STARD9: variants seen among roughly 807,000 people sequenced by gnomAD.
The protein encoded by STARD9 is StAR related lipid transfer domain containing 9.
A neutral mutation model predicts 399.8 loss-of-function variants in STARD9; 346 were observed. That is an observed-to-expected ratio of 0.87 (90% confidence interval 0.79 to 0.95). The LOEUF is 0.95. Ranked by LOEUF, STARD9 falls within the 40% of genes least tolerant of loss-of-function variation. STARD9 has a pLI of 0.00. For missense variants in STARD9, 5,832 were observed against 5,667.5 expected (o/e 1.03, Z -0.93); for synonymous variants, 2,203 against 2,143.5 (o/e 1.03, Z -0.77).
intron 3 of STARD9, among the ~76,000 whole-genome samples, chr15:42,587,344 C>G (rs528563658): frequency 6.6e-6 from 1 of 152,254 alleles, no homozygotes; most frequent in South Asian, 2.1e-4. Flanking sequence ...AAGGAACACA[C>G]AGAAATAAGA....
chr15:42,638,849 T>A, intron 7 of STARD9, 37 bp downstream of exon 7: 1 of 1,283,398 alleles, frequency 7.8e-7, no homozygotes, highest in South Asian at 1.3e-5. Context: ...GAAACCAAAC[T>A]GAAGCCTGGG....
At chr15:42,635,845 T>C (rs1046435883) in intron 4 of STARD9, among the ~76,000 whole-genome samples, 3 of 152,168 alleles carry the variant, frequency 2.0e-5, no homozygotes, top group Non-Finnish European at 4.4e-5. Context: ...CAAGCCTACA[T>C]GTGTTAGATC....
In STARD9 at chr15:42,685,196, C is replaced by T. The variant is rs2060521008; in HGVS notation, c.3618C>T (p.Ser1206=). Residue 1206 remains serine (S), a synonymous_variant, in exon 23 of 33, where the codon AGC becomes AGT. Coordinates refer to ENST00000290607, the MANE Select transcript of STARD9 (RefSeq NM_020759.3). ...AQTHRSFSLD[S]LIDAEEELGE... is the part of the protein sequence containing the mutation. The stretch of plus-strand genomic sequence containing the variant: ...CTCATAGGAGCTTCTCCTTGGATAG[C>T]CTGATTGATGCAGAGGAAGAACTGG... The T allele has an allele frequency of 2.0e-6, 3 of 1,537,040 alleles. No individual in the cohort carries two copies. The highest frequency in any genetic ancestry group is 2.6e-6 in the Non-Finnish European group (3 of 1,146,930).
chr15:42,695,529 G>C (rs564128528), intron 25 of STARD9, among the ~76,000 whole-genome samples: 2 of 152,376 alleles, frequency 1.3e-5, no homozygotes, highest in African/African-American at 4.8e-5. Context: ...GGGAGGAAGA[G>C]GCTTTGGTGT....
At chr15:42,650,369 A>G (rs2141987061) in intron 7 of STARD9, among the ~76,000 whole-genome samples, 1 of 152,274 alleles carries the variant, frequency 6.6e-6, no homozygotes, top group South Asian at 2.1e-4. Context: ...GGCCTTTGGG[A>G]CTTGGTCAGT....
intron 26 of STARD9, among the ~76,000 whole-genome samples, chr15:42,703,603 G>A (rs917225371): frequency 2.6e-4 from 39 of 149,554 alleles, no homozygotes; most frequent in African/African-American, 9.7e-4. Context: ...TTGAACTCCT[G>A]ACCTCATGAT....
At chr15:42,648,638 ATTATGGTCTAC>A (rs1027194992) in intron 7 of STARD9, among the ~76,000 whole-genome samples, 6 of 152,098 alleles carry the variant, frequency 3.9e-5, no homozygotes, top group African/African-American at 1.4e-4. Flanking sequence ...TGAACAGTTT[ATTATGGTCTAC>A]TTATGGGTAG....
intron 3 of STARD9, among the ~76,000 whole-genome samples, chr15:42,631,283 T>C (rs2059326974): frequency 6.6e-6 from 1 of 152,196 alleles, no homozygotes; most frequent in Non-Finnish European, 1.5e-5. Flanking sequence ...TCCGTATCCA[T>C]TTGTTTCAAG....
intron 26 of STARD9, among the ~76,000 whole-genome samples, chr15:42,709,281 C>T (rs978779689): frequency 1.3e-5 from 2 of 152,104 alleles, no homozygotes; most frequent in African/African-American, 4.8e-5. Context: ...GTGGTCCCAG[C>T]TACTTGGGAG....
Position 42,690,003 on chromosome 15 carries a change from A to T in STARD9, c.8425A>T (p.Thr2809Ser). The T allele has an allele frequency of 2.0e-6, 3 of 1,537,384 alleles. No homozygotes were observed. The highest frequency in any genetic ancestry group is 2.6e-6 in the Non-Finnish European group (3 of 1,146,970). ...GTTAGTGACTGCACAGGGAGAAAAAACAGCCCATTTTGAAAGTCAGTCTGT... is the reference window on the plus strand; with the variant it reads ...GTTAGTGACTGCACAGGGAGAAAAATCAGCCCATTTTGAAAGTCAGTCTGT... ...NLLVTAQGEK[T>S]AHFESQSVTC... is the part of the protein sequence containing the mutation. Residue 2809 changes from threonine to serine, a missense_variant, in exon 23 of 33, where the codon ACA becomes TCA. Physicochemically the swap from Thr to Ser is moderately conservative, Grantham distance 58. Around this residue, in one of 2 missense-constraint regions of STARD9, gnomAD observed 5,828 missense variants for 5,651.1 expected, o/e 1.03. Coordinates refer to ENST00000290607, the MANE Select transcript of STARD9 (RefSeq NM_020759.3).
At chr15:42,713,331 T>A (rs1191621716) in intron 26 of STARD9, among the ~76,000 whole-genome samples, 2 of 152,224 alleles carry the variant, frequency 1.3e-5, no homozygotes, top group East Asian at 1.9e-4. Flanking sequence ...GATGGTTTTT[T>A]AAAATAGATT....
intron 20 of STARD9, among the ~76,000 whole-genome samples, chr15:42,680,912 A>G (rs2060414439): frequency 6.6e-6 from 1 of 152,160 alleles, no homozygotes; most frequent in African/African-American, 2.4e-5. Context: ...GTGTGTATAA[A>G]TTATCAGCTG....
At chr15:42,578,326 G>T (rs1428747489) in intron 1 of STARD9, among the ~76,000 whole-genome samples, 1 of 151,954 alleles carries the variant, frequency 6.6e-6, no homozygotes, top group Admixed American at 6.6e-5. Flanking sequence ...GGCCAGGCTG[G>T]TCTCAAACTC....
At position 42,634,886 on chromosome 15, in the gene STARD9, T is replaced by C; in HGVS notation, c.265T>C (p.Ser89Pro). 1 of 1,536,302 alleles carries C rather than the reference T, an allele frequency of 6.5e-7. No individual in the cohort carries two copies. Among genetic ancestry groups the C allele is most frequent in the Non-Finnish European group, 8.7e-7 (1 of 1,146,316 alleles). ...CCAGGATTTAGGGATGGAAGTACTG[T>C]CTGGAGTTGCCAAAGGCTATAACAT... Reference protein sequence around the residue: ...VFQDLGMEVLSGVAKGYNICL... With the variant: ...VFQDLGMEVLPGVAKGYNICL... The change falls in exon 4 of 33, where the codon TCT becomes CCT. Residue 89 changes from serine to proline, a missense_variant. Ser to Pro is a moderately conservative substitution (Grantham distance 74, BLOSUM62 -1). Around this residue, in one of 2 missense-constraint regions of STARD9, gnomAD observed 5,828 missense variants for 5,651.1 expected, o/e 1.03. Coordinates refer to ENST00000290607, the MANE Select transcript of STARD9 (RefSeq NM_020759.3).
Position 42,651,130 on chromosome 15 carries a change from C to T in STARD9, c.629+45C>T, listed in dbSNP as rs1374276547. 3 of 1,351,840 alleles carry T rather than the reference C, an allele frequency of 2.2e-6. No homozygotes were observed. In the African/African-American group the frequency reaches 4.3e-5, roughly 20 times the overall value. 83.7% of individuals were successfully genotyped at this position (1,351,840 alleles called of 1,614,324 possible). The stretch of plus-strand genomic sequence containing the variant: ...CTGTCATTCTTTTATCCTCACACTC[C>T]TATCCTGTGTTCCCATTTCCCTTTG... On this transcript the variant is annotated intron_variant, in intron 8 of 32. Coordinates refer to ENST00000290607, the MANE Select transcript of STARD9 (RefSeq NM_020759.3).
chr15:42,639,764 T>C (rs2059496117), intron 7 of STARD9, among the ~76,000 whole-genome samples: 1 of 151,502 alleles, frequency 6.6e-6, no homozygotes, highest in African/African-American at 2.4e-5. Context: ...CTCGGGAGGC[T>C]GAGGCAGGAT....
At chr15:42,626,871 G>A (rs895514499) in intron 3 of STARD9, among the ~76,000 whole-genome samples, 15 of 150,856 alleles carry the variant, frequency 9.9e-5, no homozygotes, top group East Asian at 9.8e-4. Flanking sequence ...TTTCAAGACA[G>A]CGTCTCTCTC....
chr15:42,632,725 C>G (rs1292882637), intron 3 of STARD9, among the ~76,000 whole-genome samples: 1 of 152,110 alleles, frequency 6.6e-6, no homozygotes, highest in Non-Finnish European at 1.5e-5. Context: ...GTCTGTAATC[C>G]TAGCTACTCA....
At chr15:42,717,314 GTC>G (rs1431421537) in intron 28 of STARD9, among the ~76,000 whole-genome samples, 50 of 152,064 alleles carry the variant, frequency 3.3e-4, no homozygotes, top group African/African-American at 1.2e-3. Flanking sequence ...GCAAGACCCT[GTC>G]TCTACAAAAA....
Sources: allele counts gnomAD v4.1 joint callset (sites outside exome capture counted in the v4.1 genomes callset), GRCh38; gene constraint gnomAD v4.1.1; regional missense constraint gnomAD v4.1.1; transcripts MANE v1.5; gene names NCBI Gene and HGNC (gene_info 2026-07-23, HGNC 2026-07-21).